The following CCDC138 variants were observed in gnomAD, a reference collection of about 807,000 sequenced individuals.
The protein encoded by CCDC138 is coiled-coil domain-containing protein 138.
Under a neutral mutation model 82.3 loss-of-function variants are expected in CCDC138, and 66 were observed. The observed-to-expected ratio is 0.80, with a 90% CI of 0.66 to 0.98. The LOEUF (loss-of-function observed/expected upper bound fraction) is 0.98. Among genes scored for constraint, CCDC138 ranks in the 50% least tolerant of loss-of-function variants. The pLI is 0.00. For synonymous variants in CCDC138, 297 were observed against 265.4 expected, an observed-to-expected ratio of 1.12 and a Z score of -1.16; for missense variants, 816 against 758.9, an observed-to-expected ratio of 1.08 and a Z score of -0.88.
At chr2:108,841,501 CTCTA>C (rs1463278929) in intron 11 of CCDC138, among the ~76,000 whole-genome samples, 2 of 152,076 alleles carry the variant, frequency 1.3e-5, no homozygotes, top group East Asian at 3.9e-4. Flanking sequence ...TAATGTCCTT[CTCTA>C]TCTCTGAACA....
intron 13 of CCDC138, among the ~76,000 whole-genome samples, chr2:108,866,266 T>C (rs2104997498): frequency 6.6e-6 from 1 of 152,324 alleles, no homozygotes; most frequent in African/African-American, 2.4e-5. Flanking sequence ...AGGATACTTG[T>C]GATTGTAGTT....
intron 4 of CCDC138, 60 bp downstream of exon 4, chr2:108,791,862 AAG>A: frequency 6.8e-7 from 1 of 1,478,168 alleles, no homozygotes; most frequent in Non-Finnish European, 9.1e-7. Context: ...AGAGTAAATG[AAG>A]CTTCCCTCCT....
At chr2:108,827,916 A>G (rs1337092632) in intron 10 of CCDC138, among the ~76,000 whole-genome samples, 1 of 152,040 alleles carries the variant, frequency 6.6e-6, no homozygotes, top group Non-Finnish European at 1.5e-5. Context: ...TCCCATTCCC[A>G]TATGTAAACA....
intron 6 of CCDC138, among the ~76,000 whole-genome samples, chr2:108,800,732 T>C (rs1468897255): frequency 9.0e-6 from 1 of 110,894 alleles, no homozygotes; most frequent in African/African-American, 3.5e-5. Flanking sequence ...ACCCACTAAC[T>C]CATCATCTAG....
chr2:108,814,140 G>T (rs1684355042), intron 9 of CCDC138, among the ~76,000 whole-genome samples: 1 of 152,126 alleles, frequency 6.6e-6, no homozygotes, highest in African/African-American at 2.4e-5. Flanking sequence ...GGTCGATAAA[G>T]GTAGATGTAT....
Position 108,798,590 on chromosome 2 carries a change from ACTATATAGC to A in CCDC138, c.735+7_735+15del, listed in dbSNP as rs1173974382. The A allele has an allele frequency of 6.3e-7, 1 of 1,588,848 alleles. No homozygotes were observed. The highest frequency in any genetic ancestry group is 8.6e-7 in the Non-Finnish European group (1 of 1,164,000). On this transcript the variant is annotated splice_donor_5th_base_variant and intron_variant, in intron 6 of 14. Transcript: ENST00000295124. ...AAGATTTCAAATTATAAAAGAGGTA[ACTATATAGC>A]CTTTGATTTTAGAGTGGTATATTTC...
At chr2:108,819,011 C>A (rs536052284) in intron 10 of CCDC138, among the ~76,000 whole-genome samples, 2 of 152,254 alleles carry the variant, frequency 1.3e-5, no homozygotes, top group South Asian at 4.1e-4. Flanking sequence ...AAATTCAGTA[C>A]AACCTGAGGT....
chr2:108,814,650 T>C (rs1026216068), intron 9 of CCDC138, among the ~76,000 whole-genome samples: 12 of 151,370 alleles, frequency 7.9e-5, no homozygotes, highest in African/African-American at 2.9e-4. Flanking sequence ...GTTTTTTTAT[T>C]TTTTAATTTA....
At chr2:108,787,025 C>G in intron 1 of CCDC138, 110 bp downstream of exon 1, 1 of 590,538 alleles carries the variant, frequency 1.7e-6, no homozygotes, top group South Asian at 7.4e-5. Flanking sequence ...GTCCCGGCCC[C>G]GGCACTCCCG....
intron 6 of CCDC138, among the ~76,000 whole-genome samples, chr2:108,798,845 A>G (rs1167636497): frequency 6.6e-6 from 1 of 150,376 alleles, no homozygotes; most frequent in African/African-American, 2.5e-5. Flanking sequence ...ACACACACAC[A>G]CACACACATT....
At chr2:108,842,319 G>A (rs770235928) in intron 11 of CCDC138, among the ~76,000 whole-genome samples, 3 of 151,696 alleles carry the variant, frequency 2.0e-5, no homozygotes, top group Admixed American at 6.6e-5. Context: ...AATTACAGAC[G>A]TGAGCCAACC....
At chr2:108,845,676 A>G (rs543855333) in intron 11 of CCDC138, among the ~76,000 whole-genome samples, 9 of 148,636 alleles carry the variant, frequency 6.1e-5, no homozygotes, top group Non-Finnish European at 1.2e-4. Flanking sequence ...TGTTCACACC[A>G]TTCTCCTGTC....
intron 14 of CCDC138, among the ~76,000 whole-genome samples, chr2:108,874,368 A>C (rs2105286258): frequency 6.6e-6 from 1 of 152,266 alleles, no homozygotes; most frequent in Admixed American, 6.5e-5. Flanking sequence ...CCTGACTCAG[A>C]AACTTGTATA....
chr2:108,849,114 A>G (rs1414784086), intron 12 of CCDC138, among the ~76,000 whole-genome samples: 1 of 152,176 alleles, frequency 6.6e-6, no homozygotes, highest in Non-Finnish European at 1.5e-5. Flanking sequence ...AGAATTAGAC[A>G]CTGCAGACAA....
At chr2:108,862,714 A>G (rs1424169730) in intron 13 of CCDC138, among the ~76,000 whole-genome samples, 1 of 152,230 alleles carries the variant, frequency 6.6e-6, no homozygotes, top group East Asian at 1.9e-4. Flanking sequence ...TATCCCAGAA[A>G]AATATATCTT....
intron 12 of CCDC138, among the ~76,000 whole-genome samples, chr2:108,852,503 A>G (rs776540534): frequency 2.0e-5 from 3 of 152,216 alleles, no homozygotes; most frequent in Non-Finnish European, 2.9e-5. Context: ...AATCAACCCA[A>G]ATGCCCATCG....
intron 10 of CCDC138, among the ~76,000 whole-genome samples, chr2:108,832,404 A>G (rs1194244158): frequency 2.1e-5 from 3 of 144,940 alleles, no homozygotes; most frequent in South Asian, 2.2e-4. Context: ...CTGGAGTGCA[A>G]TGGTGTGATC....
chr2:108,838,804 C>T (rs1344155697), intron 10 of CCDC138, among the ~76,000 whole-genome samples: 1 of 151,788 alleles, frequency 6.6e-6, no homozygotes, highest in Non-Finnish European at 1.5e-5. Flanking sequence ...GATTTTTATT[C>T]CATTTGCTTC....
chr2:108,812,036 A>C lies in CCDC138; in HGVS notation c.856-595A>C, dbSNP rs548525899. Reference sequence around the variant, plus strand: ...TGTAAGATACCATAAGTAATATAATAAAAAAATAATTGGATACCCAGGAAT... The same window carrying C: ...TGTAAGATACCATAAGTAATATAATCAAAAAATAATTGGATACCCAGGAAT... On this transcript the variant is annotated intron_variant, in intron 7 of 14. Transcript: ENST00000295124. Among the ~76,000 whole-genome samples the C allele has an allele frequency of 3.3e-5, 5 of 152,272 alleles. No individual in the cohort carries two copies. In the East Asian group the frequency reaches 9.6e-4, roughly 29 times the overall value.
Sources: gnomAD v4.1 joint callset for allele counts (sites outside exome capture counted in the v4.1 genomes callset) on GRCh38, gnomAD v4.1.1 for gene constraint, MANE v1.5 for transcripts, NCBI Gene and HGNC (gene_info 2026-07-23, HGNC 2026-07-21) for gene names.